Variants in XKR6 observed in about 807,000 individuals in gnomAD.
XKR6 encodes XK-related protein 6.
A neutral mutation model predicts 56.7 loss-of-function variants in XKR6; 22 were observed. That is an observed-to-expected ratio of 0.39 (90% CI 0.28 to 0.55). The LOEUF (loss-of-function observed/expected upper bound fraction) is 0.55, where lower values mean the gene tolerates loss of function less well. Among genes scored for constraint, XKR6 ranks in the 20% least tolerant of loss-of-function variants. XKR6 has a pLI of 0.66. For synonymous variants in XKR6, 524 were observed against 387.8 expected (o/e 1.35, Z -4.13); for missense variants, 852 against 889.0 (o/e 0.96, Z 0.53).
At chr8:10,938,419 T>A (rs1162199484) in intron 1 of XKR6, among the ~76,000 whole-genome samples, 1 of 152,054 alleles carries the variant, frequency 6.6e-6, no homozygotes, top group East Asian at 1.9e-4. Context: ...CCATCTTGGC[T>A]CCTCCCCCCA....
intron 1 of XKR6, among the ~76,000 whole-genome samples, chr8:10,958,940 G>A (rs769304405): frequency 2.0e-5 from 3 of 152,186 alleles, no homozygotes; most frequent in Non-Finnish European, 4.4e-5. Context: ...CACCTTTTGT[G>A]CAAAAGCTAC....
chr8:10,928,597 C>T (rs571699540), intron 1 of XKR6, among the ~76,000 whole-genome samples: 18 of 152,318 alleles, frequency 1.2e-4, no homozygotes, highest in East Asian at 7.8e-4. Flanking sequence ...GCGGCCTCGA[C>T]CCGCGGCCAC....
chr8:11,008,690 C>T (rs1798430307), intron 1 of XKR6, among the ~76,000 whole-genome samples: 1 of 152,140 alleles, frequency 6.6e-6, no homozygotes. Flanking sequence ...GCTGGGATTA[C>T]AGGTGTGAAC....
At chr8:11,101,764 G>C (rs1168712802) in intron 1 of XKR6, among the ~76,000 whole-genome samples, 1 of 152,178 alleles carries the variant, frequency 6.6e-6, no homozygotes, top group Admixed American at 6.5e-5. Context: ...CCTTGCATTT[G>C]ACCCTGCTCA....
At chr8:11,172,125 C>T (rs1015660595) in intron 1 of XKR6, among the ~76,000 whole-genome samples, 7 of 151,800 alleles carry the variant, frequency 4.6e-5, no homozygotes, top group African/African-American at 9.7e-5. Flanking sequence ...AATCCCAGCA[C>T]GTTGGGAGCC....
intron 1 of XKR6, among the ~76,000 whole-genome samples, chr8:10,969,280 G>C (rs1279459630): frequency 6.6e-6 from 1 of 152,130 alleles, no homozygotes; most frequent in Non-Finnish European, 1.5e-5. Flanking sequence ...TAAACTGCCA[G>C]CTTGCCACCC....
chr8:11,160,755 A>G (rs1347678797), intron 1 of XKR6, among the ~76,000 whole-genome samples: 2 of 151,998 alleles, frequency 1.3e-5, no homozygotes, highest in African/African-American at 4.8e-5. Context: ...TAAAAATACA[A>G]AAATTAGCTG....
At chr8:10,914,705 C>T (rs1370072374) in intron 2 of XKR6, among the ~76,000 whole-genome samples, 1 of 151,520 alleles carries the variant, frequency 6.6e-6, no homozygotes, top group Non-Finnish European at 1.5e-5. Context: ...GAGGGGGGCT[C>T]CTTAACCCAA....
At chr8:11,066,389 C>A (rs1323960878) in intron 1 of XKR6, among the ~76,000 whole-genome samples, 1 of 152,252 alleles carries the variant, frequency 6.6e-6, no homozygotes, top group Non-Finnish European at 1.5e-5. Flanking sequence ...ATTGTCTGTT[C>A]TTGATTTTGG....
intron 2 of XKR6, among the ~76,000 whole-genome samples, chr8:10,920,913 C>A (rs940035502): frequency 1.3e-5 from 2 of 152,252 alleles, no homozygotes; most frequent in African/African-American, 4.8e-5. Context: ...ACATCCCAAA[C>A]AAACCTGGGG....
intron 1 of XKR6, among the ~76,000 whole-genome samples, chr8:11,156,690 C>G (rs1020606582): frequency 2.0e-5 from 3 of 152,154 alleles, no homozygotes; most frequent in African/African-American, 4.8e-5. Context: ...AAAGTGACTG[C>G]ACAGTGGTAA....
intron 1 of XKR6, among the ~76,000 whole-genome samples, chr8:10,936,216 T>C (rs1410607785): frequency 1.2e-3 from 182 of 151,116 alleles, no homozygotes; most frequent in African/African-American, 3.8e-3. Context: ...GAGAGTAGGA[T>C]TGCAACCCCT....
At chr8:11,108,295 C>G (rs1293806562) in intron 1 of XKR6, 1 of 456,040 alleles carries the variant, frequency 2.2e-6, no homozygotes, top group Non-Finnish European at 4.4e-6. Flanking sequence ...TCCTGAAAAT[C>G]TGCTGCAGAT....
chr8:10,908,754 T>G (rs899546890), intron 2 of XKR6, among the ~76,000 whole-genome samples: 1 of 152,150 alleles, frequency 6.6e-6, no homozygotes, highest in Non-Finnish European at 1.5e-5. Context: ...CAGCATTGTG[T>G]TAAGAGGTGG....
intron 2 of XKR6, among the ~76,000 whole-genome samples, chr8:10,914,423 T>C (rs1264630915): frequency 6.6e-6 from 1 of 152,146 alleles, no homozygotes; most frequent in Non-Finnish European, 1.5e-5. Flanking sequence ...GAAAGATCTT[T>C]TGGAGATCAT....
In XKR6 at chr8:11,013,139, C is replaced by A. The variant is rs150145947; in HGVS notation, c.765-88309G>T. ...AAGCTAACATGTATTAAGCCCTTAACACCATGAGGCATTTAATCCTCATAG... is the reference window on the plus strand; with the variant it reads ...AAGCTAACATGTATTAAGCCCTTAAAACCATGAGGCATTTAATCCTCATAG... On this transcript the variant is annotated intron_variant, in intron 1 of 2. Coordinates refer to ENST00000416569, the MANE Select transcript of XKR6 (RefSeq NM_173683.4). Among the ~76,000 whole-genome samples, 701 of 152,276 alleles carry A rather than the reference C, an allele frequency of 4.6e-3. 4 individuals are homozygous for A. Among genetic ancestry groups the A allele is most frequent in the African/African-American group, 0.016 (677 of 41,548 alleles).
chr8:10,910,813 A>C (rs1041651366), intron 2 of XKR6, among the ~76,000 whole-genome samples: 1 of 152,212 alleles, frequency 6.6e-6, no homozygotes, highest in Admixed American at 6.5e-5. Context: ...CAGCTGCATA[A>C]AGGCAAACTT....
At position 10,965,699 on chromosome 8, in the gene XKR6, T is replaced by C. The variant is rs368107782; in HGVS notation, c.765-40869A>G. Among the ~76,000 whole-genome samples the C allele has an allele frequency of 4.6e-5, 7 of 152,258 alleles. No homozygotes were observed. The East Asian group carries it at 7.7e-4, about 17-fold the overall frequency. On this transcript the variant is annotated intron_variant, in intron 1 of 2. Transcript: ENST00000416569. ...CTCTCTCTTTCCGGCAGCTGCAGGGTGTTACCGGGGCAACAGACGGCTGTC... is the reference window on the plus strand; with the variant it reads ...CTCTCTCTTTCCGGCAGCTGCAGGGCGTTACCGGGGCAACAGACGGCTGTC...
chr8:10,985,245 G>A (rs1797834538), intron 1 of XKR6, among the ~76,000 whole-genome samples: 1 of 152,092 alleles, frequency 6.6e-6, no homozygotes, highest in Non-Finnish European at 1.5e-5. Context: ...AATCATGGGG[G>A]CAGGTCTTTC....
Sources: gnomAD v4.1 joint callset for allele counts (sites outside exome capture counted in the v4.1 genomes callset) on GRCh38, gnomAD v4.1.1 for gene constraint, MANE v1.5 for transcripts, NCBI Gene and HGNC (gene_info 2026-07-23, HGNC 2026-07-21) for gene names.